The following ZAP70 variants were observed in gnomAD, a reference collection of about 807,000 sequenced individuals.
ZAP70 encodes the protein zeta chain of T cell receptor associated protein kinase 70, also known as tyrosine-protein kinase ZAP-70.
ZAP70 carries 27 observed loss-of-function variants against 65.8 expected under a neutral mutation model. The ratio of observed to expected loss-of-function variants is 0.41; its 90% confidence interval spans 0.30 to 0.57. ZAP70 has a LOEUF of 0.57. Ranked by LOEUF, ZAP70 falls within the 20% of genes least tolerant of loss-of-function variation. ZAP70 has a pLI of 0.28. For synonymous variants in ZAP70, 363 were observed against 360.8 expected, an observed-to-expected ratio of 1.01 and a Z score of -0.07; for missense variants, 696 against 870.5, an observed-to-expected ratio of 0.80 and a Z score of 2.52.
chr2:97,730,544 A>C (rs1677558484), intron 4 of ZAP70, among the ~76,000 whole-genome samples: 1 of 152,104 alleles, frequency 6.6e-6, no homozygotes, highest in Non-Finnish European at 1.5e-5. Context: ...GGGCAGGCCA[A>C]CCTCAATGTT....
chr2:97,726,245 ATC>A (rs1677385764), intron 4 of ZAP70, among the ~76,000 whole-genome samples: 3 of 152,156 alleles, frequency 2.0e-5, no homozygotes, highest in South Asian at 4.1e-4. Context: ...ATCTCTGAAA[ATC>A]TCTTTTTAAA....
chr2:97,746,692 C>T, the ZAP70 span, among the ~76,000 whole-genome samples: 2,010 of 152,226 alleles, frequency 0.013, 48 homozygotes, highest in African/African-American at 0.046. Context: ...GACTAAGACA[C>T]AAGAGCACCA....
At chr2:97,751,469 TTTC>T in the ZAP70 span, among the ~76,000 whole-genome samples, 1 of 152,218 alleles carries the variant, frequency 6.6e-6, no homozygotes, top group Non-Finnish European at 1.5e-5. Context: ...CTAATGGTAA[TTTC>T]TTAAGATGTA....
rs1317877867 is a variant in ZAP70, at chr2:97,734,527, A to G, written c.897A>G (p.Ile299Met). The change falls in exon 9 of 14, where the codon ATA (isoleucine) becomes ATG (methionine). Residue 299 changes from isoleucine (I) to methionine (M), a missense_variant. Around this residue, in one of 3 missense-constraint regions of ZAP70, gnomAD observed 551 missense variants for 630.0 expected, o/e 0.87. Coordinates refer to ENST00000264972, the MANE Select transcript of ZAP70 (RefSeq NM_001079.4). Reference protein sequence around the residue: ...SDGYTPEPARITSPDKPRPMP... With the variant: ...SDGYTPEPARMTSPDKPRPMP... ...ACCGCTGTGTGTGCCCAGCACGCAT[A>G]ACGTCCCCAGACAAACCGCGGCCGA... 6.2e-7 allele frequency: 1 copy of G among 1,613,776 alleles called. No homozygotes were observed. The highest frequency in any genetic ancestry group is 1.1e-5 in the South Asian group (1 of 91,074).
intron 4 of ZAP70, among the ~76,000 whole-genome samples, chr2:97,727,013 T>C (rs1424006557): frequency 6.6e-6 from 1 of 152,246 alleles, no homozygotes; most frequent in Non-Finnish European, 1.5e-5. Flanking sequence ...TGACTGGCCA[T>C]TGGCTCAGTG....
At chr2:97,734,447 T>G in intron 8 of ZAP70, 73 bp from the exon 9 acceptor site, 3 of 1,519,064 alleles carry the variant, frequency 2.0e-6, no homozygotes, top group Non-Finnish European at 2.6e-6. Context: ...GGCAGGTGCT[T>G]GTGGGGGCTG....
intron 13 of ZAP70, 35 bp downstream of exon 13, chr2:97,738,142 G>A: frequency 2.6e-6 from 4 of 1,556,784 alleles, no homozygotes; most frequent in Non-Finnish European, 3.5e-6. Flanking sequence ...CGGCTGGGCT[G>A]ACCCCTGGAA....
chr2:97,735,111 G>A, intron 9 of ZAP70, 139 bp from the exon 10 acceptor site: 1 of 1,007,300 alleles, frequency 9.9e-7, no homozygotes, highest in Non-Finnish European at 1.5e-6. Flanking sequence ...GACATTGAGC[G>A]CCTTGGTCCC....
intron 2 of ZAP70, among the ~76,000 whole-genome samples, chr2:97,720,508 C>T (rs947362890): frequency 2.0e-5 from 3 of 152,180 alleles, no homozygotes; most frequent in African/African-American, 7.2e-5. Context: ...GGCCACCGGG[C>T]CCAGCCATTA....
chr2:97,733,265 C>T, intron 6 of ZAP70, 32 bp from the exon 7 acceptor site: 1 of 1,609,216 alleles, frequency 6.2e-7, no homozygotes, highest in East Asian at 2.2e-5. Flanking sequence ...AGACCTGGCC[C>T]CCAGCCCTCA....
the ZAP70 span, among the ~76,000 whole-genome samples, chr2:97,752,611 C>G: frequency 1.3e-5 from 2 of 152,196 alleles, no homozygotes; most frequent in African/African-American, 4.8e-5. Flanking sequence ...GGATCTGAGT[C>G]TTTGTATTTG....
intron 8 of ZAP70, 86 bp from the exon 9 acceptor site, chr2:97,734,434 T>TG: frequency 1.3e-6 from 2 of 1,496,922 alleles, no homozygotes; most frequent in South Asian, 2.6e-5. Flanking sequence ...CACCCTTGTC[T>TG]GGGGCAGGTG....
intron 4 of ZAP70, among the ~76,000 whole-genome samples, chr2:97,729,583 C>T (rs529174120): frequency 7.2e-5 from 11 of 152,112 alleles, no homozygotes; most frequent in Non-Finnish European, 1.0e-4. Flanking sequence ...TGTTTACAAT[C>T]GTGAACCAGA....
chr2:97,738,740 C>T (rs1359690597), intron 13 of ZAP70, among the ~76,000 whole-genome samples: 2 of 152,024 alleles, frequency 1.3e-5, no homozygotes, highest in South Asian at 4.1e-4. Context: ...CACCCCAACA[C>T]CCAAGCAGCC....
chr2:97,721,580 A>ATTTTTTT (rs796509420), intron 2 of ZAP70, among the ~76,000 whole-genome samples: 14 of 81,160 alleles, frequency 1.7e-4, no homozygotes, highest in African/African-American at 2.3e-4. Context: ...TGGCTGGCTG[A>ATTTTTTT]TTTTTTTTTT....
In ZAP70 at chr2:97,724,257, G is replaced by T. The variant is rs1677282213; in HGVS notation, c.221G>T (p.Gly74Val). The change falls in exon 3 of 14, where the codon GGC (glycine) becomes GTC (valine). Residue 74 changes from glycine to valine, a missense_variant. Gly to Val is a moderately radical substitution (Grantham distance 109). This residue lies in a region of ZAP70 where 551 missense variants were observed against 630.0 expected (regional missense o/e 0.87). Transcript: ENST00000264972. Reference protein sequence around the residue: ...QLNGTYAIAGGKAHCGPAELC... With the variant: ...QLNGTYAIAGVKAHCGPAELC... ...AACGGCACCTACGCCATTGCCGGCG[G>T]CAAAGCGCACTGTGGACCGGCAGAG... The T allele has an allele frequency of 6.2e-7, 1 of 1,604,592 alleles. No homozygotes were observed.
At chr2:97,734,006 G>A (rs1427145618) in intron 8 of ZAP70, 2 of 313,778 alleles carry the variant, frequency 6.4e-6, no homozygotes, top group Admixed American at 4.5e-5. Context: ...TGGTAGAGGC[G>A]GGATGTGAAC....
At chr2:97,723,956 G>C in intron 2 of ZAP70, 60 bp from the exon 3 acceptor site, 1 of 1,523,822 alleles carries the variant, frequency 6.6e-7, no homozygotes, top group African/African-American at 1.4e-5. Flanking sequence ...CCGTCTTTGG[G>C]CCCAACGCAC....
chr2:97,726,142 G>A (rs1025431500), intron 4 of ZAP70, among the ~76,000 whole-genome samples: 1 of 151,872 alleles, frequency 6.6e-6, no homozygotes, highest in Non-Finnish European at 1.5e-5. Flanking sequence ...GGAAAAATGC[G>A]GTAAATGTTA....
Sources: gnomAD v4.1 joint callset for allele counts (sites outside exome capture counted in the v4.1 genomes callset) on GRCh38, gnomAD v4.1.1 for gene constraint, gnomAD v4.1.1 regional missense constraint, MANE v1.5 for transcripts, NCBI Gene and HGNC (gene_info 2026-07-23, HGNC 2026-07-21) for gene names.